The following DCBLD2 variants were observed in gnomAD, a reference collection of about 807,000 sequenced individuals.
DCBLD2 encodes discoidin, CUB and LCCL domain containing 2.
In DCBLD2, 54 loss-of-function variants were observed where a neutral mutation model predicts 86.8. That is an observed-to-expected ratio of 0.62 (90% CI 0.50 to 0.78). The LOEUF (loss-of-function observed/expected upper bound fraction) is 0.78, where lower values mean the gene tolerates loss of function less well. Ranked by LOEUF, DCBLD2 falls within the 30% of genes least tolerant of loss-of-function variation. DCBLD2 has a pLI of 0.00. For missense variants in DCBLD2, 908 were observed against 954.2 expected, an observed-to-expected ratio of 0.95 and a Z score of 0.64; for synonymous variants, 354 against 341.3, an observed-to-expected ratio of 1.04 and a Z score of -0.41.
chr3:98,821,663 AAGAC>A (rs1035742642), intron 6 of DCBLD2, among the ~76,000 whole-genome samples: 1 of 151,938 alleles, frequency 6.6e-6, no homozygotes, highest in Non-Finnish European at 1.5e-5. Flanking sequence ...ACACTTAGAA[AAGAC>A]AGAAGAAACA....
At chr3:98,868,562 A>T (rs890094244) in intron 2 of DCBLD2, among the ~76,000 whole-genome samples, 1 of 152,272 alleles carries the variant, frequency 6.6e-6, no homozygotes, top group Middle Eastern at 3.4e-3. Flanking sequence ...CCCATCACCC[A>T]AATAGTGTAC....
chr3:98,854,877 T>A (rs1942904166), intron 2 of DCBLD2, among the ~76,000 whole-genome samples: 1 of 152,128 alleles, frequency 6.6e-6, no homozygotes, highest in African/African-American at 2.4e-5. Context: ...GAGGATAATA[T>A]TAGAAACAAA....
intron 2 of DCBLD2, among the ~76,000 whole-genome samples, chr3:98,872,844 T>C (rs1943303133): frequency 6.6e-6 from 1 of 152,082 alleles, no homozygotes; most frequent in Admixed American, 6.6e-5. Context: ...TACATAACTT[T>C]GAAAGATATG....
intron 3 of DCBLD2, among the ~76,000 whole-genome samples, chr3:98,828,244 G>A (rs879701187): frequency 1.3e-5 from 2 of 152,014 alleles, no homozygotes; most frequent in Non-Finnish European, 2.9e-5. Flanking sequence ...TACTTCACAG[G>A]ACACCATTAA....
intron 14 of DCBLD2, 84 bp from the exon 15 acceptor site, chr3:98,800,800 A>G (rs1452355147): frequency 6.4e-7 from 1 of 1,573,628 alleles, no homozygotes; most frequent in Non-Finnish European, 8.6e-7. Context: ...ATCCTGTTGC[A>G]TTTAAGCCAT....
chr3:98,830,482 A>C (rs1157068834), intron 3 of DCBLD2, among the ~76,000 whole-genome samples: 1 of 152,224 alleles, frequency 6.6e-6, no homozygotes, highest in East Asian at 1.9e-4. Context: ...AGCACCATTT[A>C]TTAAATAGGC....
intron 3 of DCBLD2, among the ~76,000 whole-genome samples, chr3:98,841,703 T>G (rs113854685): frequency 1.3e-5 from 2 of 152,226 alleles, no homozygotes; most frequent in African/African-American, 4.8e-5. Context: ...TAAGTTGGTA[T>G]AATGACAACT....
chr3:98,836,533 T>C (rs1353128797), intron 3 of DCBLD2, among the ~76,000 whole-genome samples: 2 of 151,670 alleles, frequency 1.3e-5, no homozygotes, highest in East Asian at 1.9e-4. Context: ...TTCTCAATCT[T>C]TTCCCCACCT....
intron 3 of DCBLD2, among the ~76,000 whole-genome samples, chr3:98,835,938 C>CTTTCTTT (rs56279917): frequency 0.025 from 2,848 of 115,020 alleles, 95 homozygotes; most frequent in South Asian, 0.047. Context: ...TCCTTTCTTT[C>CTTTCTTT]TTTTTTTTTT....
chr3:98,894,805 T>C (rs1488521408), intron 1 of DCBLD2, among the ~76,000 whole-genome samples: 3 of 152,006 alleles, frequency 2.0e-5, no homozygotes, highest in South Asian at 2.1e-4. Flanking sequence ...ACTCTAGAAA[T>C]GGGGTTCTTA....
At chr3:98,824,432 T>C (rs1942179473) in intron 4 of DCBLD2, among the ~76,000 whole-genome samples, 1 of 152,110 alleles carries the variant, frequency 6.6e-6, no homozygotes, top group African/African-American at 2.4e-5. Context: ...TACCATACAC[T>C]GATGCTAGGG....
At position 98,849,666 on chromosome 3, in the gene DCBLD2, A is replaced by G. The variant is rs555739688; in HGVS notation, c.434-68T>C. 36 of 1,527,070 alleles carry G rather than the reference A, an allele frequency of 2.4e-5. No homozygotes were observed. In the African/African-American group the frequency reaches 4.5e-4, roughly 19 times the overall value. 94.6% of individuals were successfully genotyped at this position (1,527,070 alleles called of 1,614,324 possible). On this transcript the variant is annotated intron_variant, in intron 2 of 15. Transcript: ENST00000326840. ...GAAGTCAATAATATTTGCAATGTAGATAACAGAAGCAGAATAATATACCAA... is the reference window on the plus strand; with the variant it reads ...GAAGTCAATAATATTTGCAATGTAGGTAACAGAAGCAGAATAATATACCAA...
intron 8 of DCBLD2, 134 bp from the exon 9 acceptor site, chr3:98,818,027 C>T (rs62278488): frequency 0.06 from 67,757 of 1,121,440 alleles, 2,460 homozygotes; most frequent in South Asian, 0.096. Flanking sequence ...TCCAAGTGCA[C>T]GTTTTTGTCA....
chr3:98,861,749 A>C (rs1943048127), intron 2 of DCBLD2, among the ~76,000 whole-genome samples: 2 of 152,206 alleles, frequency 1.3e-5, no homozygotes, highest in African/African-American at 4.8e-5. Flanking sequence ...AAATTTAAGC[A>C]CTAAATGCCC....
At chr3:98,802,071 A>C (rs1016849162) in intron 13 of DCBLD2, 2 of 153,304 alleles carry the variant, frequency 1.3e-5, no homozygotes, top group African/African-American at 4.8e-5. Flanking sequence ...GTATATACCC[A>C]GTAATGGGAT....
At chr3:98,870,861 A>G (rs1461997527) in intron 2 of DCBLD2, among the ~76,000 whole-genome samples, 2 of 151,996 alleles carry the variant, frequency 1.3e-5, no homozygotes, top group Non-Finnish European at 2.9e-5. Context: ...CTGAATCTGT[A>G]GATTGTTTTG....
intron 6 of DCBLD2, chr3:98,822,011 A>C: frequency 1.6e-6 from 1 of 607,682 alleles, no homozygotes; most frequent in Non-Finnish European, 3.0e-6. Context: ...ACGCCACTGC[A>C]CTCCAGCCTG....
chr3:98,886,719 A>G (rs1943568437), intron 1 of DCBLD2, among the ~76,000 whole-genome samples: 1 of 151,880 alleles, frequency 6.6e-6, no homozygotes, highest in African/African-American at 2.4e-5. Flanking sequence ...AATTACTCAT[A>G]GAACATGTGT....
intron 1 of DCBLD2, among the ~76,000 whole-genome samples, chr3:98,896,731 G>A (rs951683788): frequency 1.3e-5 from 2 of 152,076 alleles, no homozygotes; most frequent in East Asian, 1.9e-4. Context: ...TCCTATGGCC[G>A]TAAGGTTGTT....
Sources: gnomAD v4.1 joint callset for allele counts (sites outside exome capture counted in the v4.1 genomes callset) on GRCh38, gnomAD v4.1.1 for gene constraint, MANE v1.5 for transcripts, NCBI Gene and HGNC (gene_info 2026-07-23, HGNC 2026-07-21) for gene names.